Variants in NUDT7 observed in about 807,000 individuals in gnomAD.
The protein encoded by NUDT7 is peroxisomal coenzyme A diphosphatase NUDT7.
NUDT7 carries 19 observed loss-of-function variants against 13.1 expected under a neutral mutation model. That is an observed-to-expected ratio of 1.45 (90% CI 1.01 to 2.13). The LOEUF is 2.13. Ranked by LOEUF, NUDT7 falls within the 30% of genes most tolerant of loss-of-function variation. The pLI is 0.00. For synonymous variants in NUDT7, 132 were observed against 109.7 expected (o/e 1.20, Z -1.27); for missense variants, 360 against 291.7 (o/e 1.23, Z -1.71).
chr16:77,738,461 A>G (rs574114562), intron 3 of NUDT7, among the ~76,000 whole-genome samples: 1 of 152,316 alleles, frequency 6.6e-6, no homozygotes, highest in Middle Eastern at 3.4e-3. Flanking sequence ...GGCCCCTGCT[A>G]ATTTTTAAAA....
In NUDT7 at chr16:77,741,883, A is replaced by ATGAT. The variant is rs759433242; in HGVS notation, c.651_654dup (p.Val219Ter). 3 of 1,613,968 alleles carry ATGAT rather than the reference A, an allele frequency of 1.9e-6. No individual in the cohort carries two copies. In the Admixed American group the frequency reaches 5.0e-5, roughly 27 times the overall value. On this transcript the variant is annotated frameshift_variant, in exon 4 of 4. Transcript: ENST00000268533. LOFTEE classifies it low-confidence loss of function (END_TRUNC). ...ACCTTTGAGGTTCAATTTAATCTTA[A>ATGAT]TGATGTATTAGCATCCTCTGAAGAG...
chr16:77,735,023 A>G (rs551058334), intron 2 of NUDT7, among the ~76,000 whole-genome samples: 6 of 152,342 alleles, frequency 3.9e-5, no homozygotes, highest in Admixed American at 1.3e-4. Flanking sequence ...AGTAGCTTAT[A>G]GGACTGTTCT....
chr16:77,736,613 C>A, intron 3 of NUDT7: 1 of 212,802 alleles, frequency 4.7e-6, no homozygotes, highest in Non-Finnish European at 1.0e-5. Flanking sequence ...GCTGAGATAA[C>A]CACATCTTAT....
Position 77,742,160 on chromosome 16 carries a change from A to G in NUDT7, c.*210A>G, listed in dbSNP as rs2014689425. ...ATGAAAACTATGTTCATAGTGTTGCATATTTTCACCCACAATATGTTAATA... is the reference window on the plus strand; with the variant it reads ...ATGAAAACTATGTTCATAGTGTTGCGTATTTTCACCCACAATATGTTAATA... On this transcript the variant is annotated 3_prime_UTR_variant, in exon 4 of 4. Transcript: ENST00000268533. 1.6e-6 allele frequency: 2 copies of G among 1,234,100 alleles called. No homozygotes were observed. Among genetic ancestry groups the G allele is most frequent in the South Asian group, 2.4e-5 (1 of 42,386 alleles). 76.4% of individuals were successfully genotyped at this position (1,234,100 alleles called of 1,614,324 possible). A position where few individuals can be genotyped will look rare whatever the true frequency, so the allele number is the denominator to read the frequency against.
intron 2 of NUDT7, among the ~76,000 whole-genome samples, chr16:77,727,557 T>A (rs926511408): frequency 3.3e-5 from 5 of 152,184 alleles, no homozygotes; most frequent in African/African-American, 9.6e-5. Flanking sequence ...ATATATTTTT[T>A]AAAATTATCA....
At chr16:77,735,534 A>G (rs1384721002) in intron 2 of NUDT7, 2 of 552,274 alleles carry the variant, frequency 3.6e-6, no homozygotes, top group Non-Finnish European at 6.5e-6. Flanking sequence ...TCTTTTCTTT[A>G]TAAACTACCC....
chr16:77,733,407 A>G (rs59159269), intron 2 of NUDT7, among the ~76,000 whole-genome samples: 2,601 of 152,294 alleles, frequency 0.017, 71 homozygotes, highest in African/African-American at 0.057. Flanking sequence ...GGTCTCTTTT[A>G]TAAGGGCATT....
At chr16:77,738,875 G>A (rs750942423) in intron 3 of NUDT7, among the ~76,000 whole-genome samples, 5 of 152,230 alleles carry the variant, frequency 3.3e-5, no homozygotes, top group East Asian at 1.9e-4. Context: ...ATCTGTGGTC[G>A]AATCCAGTTT....
chr16:77,724,971 G>A (rs773763755), intron 1 of NUDT7, among the ~76,000 whole-genome samples: 4 of 152,096 alleles, frequency 2.6e-5, no homozygotes, highest in Admixed American at 1.3e-4. Context: ...GACAGCCAGC[G>A]CTCCAGGTGA....
At chr16:77,722,747 G>A (rs549955774) in intron 1 of NUDT7, 130 bp downstream of exon 1, 2 of 824,478 alleles carry the variant, frequency 2.4e-6, no homozygotes, top group South Asian at 1.5e-5. Flanking sequence ...AGCGCCGGAT[G>A]GGGGAGCACT....
rs560877947 is a variant in NUDT7, at chr16:77,734,544, A to G, written c.190-1284A>G. Among the ~76,000 whole-genome samples, 3 of 152,176 alleles carry G rather than the reference A, an allele frequency of 2.0e-5. No individual in the cohort carries two copies. The East Asian group carries it at 5.8e-4, about 29-fold the overall frequency. On this transcript the variant is annotated intron_variant, in intron 2 of 3. Coordinates refer to ENST00000268533, the MANE Select transcript of NUDT7 (RefSeq NM_001105663.3). ...AAGCTGAGGCAGGAGAATGGTGTGA[A>G]CCCAGGAGGCAAGGCTTGCAGTGAG...
chr16:77,724,436 T>G, intron 1 of NUDT7, among the ~76,000 whole-genome samples: 1 of 80,350 alleles, frequency 1.2e-5, no homozygotes, highest in African/African-American at 9.9e-5. Flanking sequence ...TAATTTATGC[T>G]TTTTTTTTTT....
intron 2 of NUDT7, 101 bp from the exon 3 acceptor site, chr16:77,735,727 G>A (rs1175786283): frequency 6.6e-6 from 7 of 1,066,852 alleles, no homozygotes; most frequent in Non-Finnish European, 9.7e-6. Flanking sequence ...GGGTAAGAAT[G>A]GTCTCTGGTA....
chr16:77,737,232 C>G (rs528932814), intron 3 of NUDT7, among the ~76,000 whole-genome samples: 1 of 152,246 alleles, frequency 6.6e-6, no homozygotes, highest in South Asian at 2.1e-4. Flanking sequence ...ATCTAAGATA[C>G]CATATTGTAT....
intron 2 of NUDT7, among the ~76,000 whole-genome samples, chr16:77,728,796 C>G (rs2014222887): frequency 6.6e-6 from 1 of 152,210 alleles, no homozygotes; most frequent in Non-Finnish European, 1.5e-5. Context: ...TGGCAAACCC[C>G]TTTCTCCATT....
chr16:77,734,064 G>A (rs574329771), intron 2 of NUDT7, among the ~76,000 whole-genome samples: 3 of 152,132 alleles, frequency 2.0e-5, no homozygotes, highest in Non-Finnish European at 4.4e-5. Flanking sequence ...AAGGAAGGGG[G>A]CAATGCGGGG....
intron 3 of NUDT7, among the ~76,000 whole-genome samples, chr16:77,738,117 G>A (rs2014547619): frequency 6.6e-6 from 1 of 152,132 alleles, no homozygotes; most frequent in African/African-American, 2.4e-5. Flanking sequence ...TTTTCCATTT[G>A]GTTTTCTAAT....
Position 77,722,562 on chromosome 16 carries a change from A to C in NUDT7, c.-21A>C. ...GAGCAGCTCCGAGGAGTCCGCCCGGAAACAAACATTCCCCAGGGCAATGTC... is the reference window on the plus strand; with the variant it reads ...GAGCAGCTCCGAGGAGTCCGCCCGGCAACAAACATTCCCCAGGGCAATGTC... On this transcript the variant is annotated 5_prime_UTR_variant, in exon 1 of 4. Transcript: ENST00000268533. 1 of 1,580,358 alleles carries C rather than the reference A, an allele frequency of 6.3e-7. No individual in the cohort carries two copies. Among genetic ancestry groups the C allele is most frequent in the Non-Finnish European group, 8.6e-7 (1 of 1,162,348 alleles).
chr16:77,734,585 G>A (rs2014420103), intron 2 of NUDT7, among the ~76,000 whole-genome samples: 1 of 152,122 alleles, frequency 6.6e-6, no homozygotes, highest in African/African-American at 2.4e-5. Context: ...TTCGCACACT[G>A]CACTCCAGCG....
Sources: allele counts gnomAD v4.1 joint callset (sites outside exome capture counted in the v4.1 genomes callset), GRCh38; gene constraint gnomAD v4.1.1; transcripts MANE v1.5; gene names NCBI Gene and HGNC (gene_info 2026-07-23, HGNC 2026-07-21).